The following IDS variants were observed in gnomAD, a reference collection of about 807,000 sequenced individuals.
The protein encoded by IDS is iduronate 2-sulfatase, also known as alpha-L-iduronate sulfate sulfatase.
In IDS, 1 loss-of-function variant was observed where a neutral mutation model predicts 33.5. That is an observed-to-expected ratio of 0.03 (90% CI 0.01 to 0.14). The LOEUF is 0.14. IDS is among the 10% of genes least tolerant of loss of function. The pLI, the probability that IDS is intolerant of heterozygous loss-of-function variation, is 1.00. For synonymous variants in IDS, 191 were observed against 184.4 expected, an observed-to-expected ratio of 1.04 and a Z score of -0.29; for missense variants, 328 against 448.0, an observed-to-expected ratio of 0.73 and a Z score of 2.42.
At chrX:149,495,951 C>G (rs1446036473) in intron 6 of IDS, among the ~76,000 whole-genome samples, 1 of 112,308 alleles carries the variant, frequency 8.9e-6, no homozygotes, top group Middle Eastern at 4.2e-3. Flanking sequence ...AGGGAACCTG[C>G]AAGTACCAGC....
At position 149,496,488 on chromosome X, in the gene IDS, T is replaced by A. The variant is rs782226277; in HGVS notation, c.737A>T (p.Asn246Ile). Residue 246 changes from asparagine (N) to isoleucine (I), a missense_variant, in exon 6 of 9, where the codon AAC (asparagine) becomes ATC (isoleucine). Asn to Ile is a moderately radical substitution (Grantham distance 149). Around this residue, in one of 4 missense-constraint regions of IDS, gnomAD observed 265 missense variants for 339.2 expected, o/e 0.78. Transcript: ENST00000340855. ...KEFQKLYPLENITLAPDPEVP... is the reference protein window; with the variant it reads ...KEFQKLYPLEIITLAPDPEVP... ...CTCGGGATCGGGGGCCAGGGTGATG[T>A]TCTCCAAGGGATACAACTTCTGAAA... The A allele has an allele frequency of 8.3e-7, 1 of 1,211,271 alleles. No homozygotes were observed. Among genetic ancestry groups the A allele is most frequent in the East Asian group, 3.0e-5 (1 of 33,843 alleles).
chrX:149,486,432 C>T (rs1451438058), intron 8 of IDS, among the ~76,000 whole-genome samples: 1 of 111,159 alleles, frequency 9.0e-6, no homozygotes, highest in Non-Finnish European at 1.9e-5. Flanking sequence ...CTGGGGAGGG[C>T]AGAGTAGAAT....
At chrX:149,500,838 C>T in intron 4 of IDS, 111 bp downstream of exon 4, 1 of 563,790 alleles carries the variant, frequency 1.8e-6, no homozygotes. Flanking sequence ...AAATGAAACC[C>T]ACAACTTCGT....
rs202030322 is a variant in IDS, at chrX:149,504,998, A to G, written c.103+37T>C. On this transcript the variant is annotated intron_variant, in intron 1 of 8. Transcript: ENST00000340855. Reference sequence around the variant, plus strand: ...GGAAGGAGGAAGGAAGGGAGGGAGGAAGGGAGAAGAGATGGCAGGGAGGGC... The same window carrying G: ...GGAAGGAGGAAGGAAGGGAGGGAGGGAGGGAGAAGAGATGGCAGGGAGGGC... 4.7e-5 allele frequency: 47 copies of G among 995,355 alleles called. No individual in the cohort carries two copies. The East Asian group carries it at 1.3e-3, about 28-fold the overall frequency. The allele number at this position is 995,355 out of a possible 1,213,427, so 82.0% of individuals were successfully genotyped here.
Position 149,482,652 on chromosome X carries a change from A to G in IDS, c.*94T>C. 3 of 1,178,152 alleles carry G rather than the reference A, an allele frequency of 2.5e-6. No homozygotes were observed. Among genetic ancestry groups the G allele is most frequent in the Admixed American group, 4.7e-5 (2 of 42,829 alleles). On this transcript the variant is annotated 3_prime_UTR_variant, in exon 9 of 9. Coordinates refer to ENST00000340855, the MANE Select transcript of IDS (RefSeq NM_000202.8). ...TTAACTAGCCCTCAGGCTGCTTCCA[A>G]TATTATGGGTAATCACAAAACGACC...
intron 8 of IDS, among the ~76,000 whole-genome samples, chrX:149,486,198 C>T (rs2089333935): frequency 8.9e-6 from 1 of 111,785 alleles, no homozygotes; most frequent in Non-Finnish European, 1.9e-5. Context: ...TCTGGTCCAA[C>T]TGGTATTCTG....
intron 7 of IDS, 145 bp downstream of exon 7, chrX:149,490,169 A>T (rs1396037247): frequency 4.8e-6 from 3 of 629,332 alleles, no homozygotes; most frequent in Non-Finnish European, 5.3e-6. Flanking sequence ...TGATCATAAA[A>T]ATGCCCCAGG....
In IDS at chrX:149,478,172, T is replaced by G. The variant is rs1363911305; in HGVS notation, c.*4574A>C. ...AGAGGGAAGAGTCAGTTTCCCTCTG[T>G]AGCTAGGGTGAGGCTGCTCCAGAGT... On this transcript the variant is annotated 3_prime_UTR_variant, in exon 9 of 9. Transcript: ENST00000340855. 8.9e-6 allele frequency: 1 copy of G among 112,168 alleles called. No individual in the cohort carries two copies. The highest frequency in any genetic ancestry group is 2.8e-4 in the East Asian group (1 of 3,581). 9.2% of individuals were successfully genotyped at this position (112,168 alleles called of 1,213,427 possible). A position where few individuals can be genotyped will look rare whatever the true frequency, so the allele number is the denominator to read the frequency against.
At position 149,491,761 on chromosome X, in the gene IDS, G is replaced by A. The variant is rs1394644213; in HGVS notation, c.880-1321C>T. On this transcript the variant is annotated intron_variant, in intron 6 of 8. Transcript: ENST00000340855. Reference sequence around the variant, plus strand: ...GCCCCTGGACGTAAGGCAATAAGCAGACAAGGTCCTCACCCTTGATGAGCC... The same window carrying A: ...GCCCCTGGACGTAAGGCAATAAGCAAACAAGGTCCTCACCCTTGATGAGCC... 9.2e-6 allele frequency: 6 copies of A among 651,690 alleles called. No individual in the cohort carries two copies. The South Asian group carries it at 9.9e-5, about 11-fold the overall frequency. 53.7% of individuals were successfully genotyped at this position (651,690 alleles called of 1,213,427 possible).
intron 6 of IDS, chrX:149,491,643 T>G: frequency 9.9e-7 from 1 of 1,005,326 alleles, no homozygotes; most frequent in Non-Finnish European, 1.3e-6. Flanking sequence ...GTCTTCAGTC[T>G]GAAACCTGTG....
rs782077322 is a variant in IDS at position 149,505,188 on chromosome X, T to A, written c.-51A>T. 1 of 961,315 alleles carries A rather than the reference T, an allele frequency of 1.0e-6. No homozygotes were observed. The highest frequency in any genetic ancestry group is 2.6e-5 in the Admixed American group (1 of 39,066). 79.2% of individuals were successfully genotyped at this position (961,315 alleles called of 1,213,427 possible). ...AGCGGCGGGGACAGGCTGCAGCAGG[T>A]GGCGCAGTTAGCAGCCGCCGCCGCA... On this transcript the variant is annotated 5_prime_UTR_variant, in exon 1 of 9. Transcript: ENST00000340855.
Position 149,498,230 on chromosome X carries a change from G to A in IDS, c.585C>T (p.Thr195=). 3.3e-6 allele frequency: 4 copies of A among 1,211,461 alleles called. No homozygotes were observed. The highest frequency in any genetic ancestry group is 4.5e-6 in the Non-Finnish European group (4 of 895,000). ...GCTCAGTGCTCTGTTTGTCAGGCAAGGTGCCCTCGGGAACATCCAGCACAT... is the reference window on the plus strand; with the variant it reads ...GCTCAGTGCTCTGTTTGTCAGGCAAAGTGCCCTCGGGAACATCCAGCACAT... The part of the protein sequence containing the change: ...PVDVLDVPEG[T]LPDKQSTEQA... The change falls in exon 5 of 9, where the codon ACC becomes ACT. Residue 195 remains threonine, a synonymous_variant. Coordinates refer to ENST00000340855, the MANE Select transcript of IDS (RefSeq NM_000202.8).
intron 1 of IDS, 128 bp from the exon 2 acceptor site, chrX:149,504,421 C>A: frequency 1.4e-6 from 1 of 721,580 alleles, no homozygotes; most frequent in Non-Finnish European, 2.1e-6. Context: ...CCAGGGAGGG[C>A]GCTGTGCCTC....
Position 149,505,272 on chromosome X carries a change from GGCCCGCAGGCCCGGGC to G in IDS, c.-151_-136del, listed in dbSNP as rs2089519488. 6.0e-6 allele frequency: 2 copies of G among 333,656 alleles called. No homozygotes were observed. Among genetic ancestry groups the G allele is most frequent in the Admixed American group, 1.2e-4 (2 of 17,201 alleles). 27.5% of individuals were successfully genotyped at this position (333,656 alleles called of 1,213,427 possible). On this transcript the variant is annotated 5_prime_UTR_variant, in exon 1 of 9. Transcript: ENST00000340855. ...GACTGCGCAACACAGCCGCCGCCCGGGCCCGCAGGCCCGGGCGCTGGCCGCAGCGCGAGTGCGTCCG... is the reference window on the plus strand; with the variant it reads ...GACTGCGCAACACAGCCGCCGCCCGGGCTGGCCGCAGCGCGAGTGCGTCCG...
chrX:149,498,564 G>A (rs893396183), intron 4 of IDS, among the ~76,000 whole-genome samples: 4 of 112,011 alleles, frequency 3.6e-5, no homozygotes, highest in East Asian at 2.8e-4. Context: ...AAGAAACCCC[G>A]ATAGACTAAT....
At chrX:149,503,219 G>A in intron 3 of IDS, 93 bp downstream of exon 3, 1 of 1,170,280 alleles carries the variant, frequency 8.5e-7, no homozygotes. Context: ...GCCAGAAGAG[G>A]GCTCTGCAAA....
At chrX:149,504,788 G>T (rs2089510753) in intron 1 of IDS, among the ~76,000 whole-genome samples, 1 of 105,825 alleles carries the variant, frequency 9.4e-6, no homozygotes, top group Non-Finnish European at 1.9e-5. Context: ...GGGGGAAAGA[G>T]GAAGGGAAGC....
At chrX:149,499,976 T>A (rs185139867) in intron 4 of IDS, among the ~76,000 whole-genome samples, 1 of 111,620 alleles carries the variant, frequency 9.0e-6, no homozygotes, top group African/African-American at 3.3e-5. Flanking sequence ...CTGTTCCATC[T>A]CAAAGAGTGT....
chrX:149,479,666 T>G lies in IDS; in HGVS notation c.*3080A>C, dbSNP rs1262581174. On this transcript the variant is annotated 3_prime_UTR_variant, in exon 9 of 9. Coordinates refer to ENST00000340855, the MANE Select transcript of IDS (RefSeq NM_000202.8). ...ACAATAAAATATATTACCAGCAATA[T>G]ATCTTTGTGAAAATCTATAATAACC... 8.9e-6 allele frequency: 1 copy of G among 111,998 alleles called. No homozygotes were observed. Among genetic ancestry groups the G allele is most frequent in the Non-Finnish European group, 1.9e-5 (1 of 53,250 alleles). 9.2% of individuals were successfully genotyped at this position (111,998 alleles called of 1,213,427 possible).
Sources: allele counts gnomAD v4.1 joint callset (sites outside exome capture counted in the v4.1 genomes callset), GRCh38; gene constraint gnomAD v4.1.1; regional missense constraint gnomAD v4.1.1; transcripts MANE v1.5; gene names NCBI Gene and HGNC (gene_info 2026-07-23, HGNC 2026-07-21).